ITPKB: variants seen among roughly 807,000 people sequenced by gnomAD.
The protein encoded by ITPKB is inositol-trisphosphate 3-kinase B, also known as IP3 3-kinase B.
In ITPKB, 13 loss-of-function variants were observed where a neutral mutation model predicts 69.4. The ratio of observed to expected loss-of-function variants is 0.19; its 90% CI spans 0.12 to 0.30. ITPKB has a LOEUF of 0.30. Ranked by LOEUF, ITPKB falls within the 10% of genes least tolerant of loss-of-function variation. ITPKB has a pLI of 1.00. For missense variants in ITPKB, 1,240 were observed against 1,250.5 expected (o/e 0.99, Z 0.13); for synonymous variants, 584 against 513.7 (o/e 1.14, Z -1.85).
chr1:226,678,684 CA>C (rs1655982569), intron 2 of ITPKB, among the ~76,000 whole-genome samples: 1 of 152,050 alleles, frequency 6.6e-6, no homozygotes, highest in Admixed American at 6.5e-5. Context: ...CAGTCCTGGC[CA>C]GAGAGAAAAA....
chr1:226,663,161 A>G (rs1235947020), intron 2 of ITPKB, among the ~76,000 whole-genome samples: 1 of 152,166 alleles, frequency 6.6e-6, no homozygotes, highest in East Asian at 1.9e-4. Context: ...TGATTTTCAT[A>G]AACAGATTGA....
intron 2 of ITPKB, among the ~76,000 whole-genome samples, chr1:226,703,662 C>T (rs1443884492): frequency 6.6e-6 from 1 of 152,224 alleles, no homozygotes; most frequent in East Asian, 1.9e-4. Flanking sequence ...CTAGCGGGCC[C>T]GCAGCAGAGG....
At chr1:226,737,991 G>A (rs372022416) in intron 1 of ITPKB, among the ~76,000 whole-genome samples, 3 of 152,220 alleles carry the variant, frequency 2.0e-5, no homozygotes, top group African/African-American at 7.2e-5. Context: ...TAAGTATGCT[G>A]TGTGCGGGGC....
chr1:226,714,491 G>A (rs1475558075), intron 2 of ITPKB, among the ~76,000 whole-genome samples: 1 of 152,192 alleles, frequency 6.6e-6, no homozygotes, highest in African/African-American at 2.4e-5. Flanking sequence ...CTGGCTTGCT[G>A]TTTGAACAGA....
Position 226,631,741 on chromosome 1 carries a change from T to G in ITPKB, c.*2930A>C, listed in dbSNP as rs1308523028. 1.3e-5 allele frequency: 2 copies of G among 152,674 alleles called. No homozygotes were observed. The highest frequency in any genetic ancestry group is 4.8e-5 in the African/African-American group (2 of 41,364). 9.5% of individuals were successfully genotyped at this position (152,674 alleles called of 1,614,324 possible). ...GTTTGCATCTGTTTGACAGGCACTG[T>G]GCAGGGGTTTGTAACAGTTCAGTTT... On this transcript the variant is annotated 3_prime_UTR_variant, in exon 8 of 8. Coordinates refer to ENST00000429204, the MANE Select transcript of ITPKB (RefSeq NM_002221.4).
chr1:226,648,104 G>A lies in ITPKB; in HGVS notation c.2032+568C>T, dbSNP rs140475688. Among the ~76,000 whole-genome samples the A allele has an allele frequency of 2.3e-3, 349 of 152,204 alleles. 1 individual carries two copies. Among genetic ancestry groups the A allele is most frequent in the African/African-American group, 7.3e-3 (303 of 41,516 alleles). ...TCGGCTCCAGATGTCCCTTCTCCCC[G>A]GCACTGCCTGGACTCAGCTCCTAGC... On this transcript the variant is annotated intron_variant, in intron 3 of 7. Transcript: ENST00000429204.
intron 2 of ITPKB, among the ~76,000 whole-genome samples, chr1:226,670,310 G>A (rs934301181): frequency 9.9e-5 from 15 of 151,524 alleles, no homozygotes; most frequent in African/African-American, 3.4e-4. Flanking sequence ...TGGGAAAGCA[G>A]CCCAGGAATA....
At chr1:226,703,588 C>A (rs1391875372) in intron 2 of ITPKB, among the ~76,000 whole-genome samples, 5 of 152,218 alleles carry the variant, frequency 3.3e-5, no homozygotes, top group African/African-American at 7.2e-5. Context: ...CGTCTCCCGG[C>A]ATGCTCGGCG....
chr1:226,731,191 G>C (rs895081933), intron 2 of ITPKB, among the ~76,000 whole-genome samples: 3 of 152,198 alleles, frequency 2.0e-5, no homozygotes, highest in African/African-American at 7.2e-5. Flanking sequence ...CAGTATCTGA[G>C]GGGGGACAAT....
intron 4 of ITPKB, among the ~76,000 whole-genome samples, chr1:226,646,754 C>T (rs1480977377): frequency 6.6e-6 from 1 of 152,178 alleles, no homozygotes; most frequent in Non-Finnish European, 1.5e-5. Flanking sequence ...AATGGAAAGA[C>T]CTCGATTCCC....
rs555131724 is a variant in ITPKB at position 226,727,782 on chromosome 1, C to T, written c.1932+7745G>A. 5.9e-5 allele frequency among the ~76,000 whole-genome samples: 9 copies of T among 152,270 alleles called. No homozygotes were observed. In the South Asian group the frequency reaches 1.9e-3, roughly 32 times the overall value. On this transcript the variant is annotated intron_variant, in intron 2 of 7. Coordinates refer to ENST00000429204, the MANE Select transcript of ITPKB (RefSeq NM_002221.4). ...AATGTGAGCAAATGGCCCACCCCTT[C>T]AGAAGAGTTCTCCTTGGCCAAGGGC...
chr1:226,695,259 A>T (rs1289223851), intron 2 of ITPKB, among the ~76,000 whole-genome samples: 1 of 152,150 alleles, frequency 6.6e-6, no homozygotes, highest in East Asian at 1.9e-4. Flanking sequence ...AAATAAATAA[A>T]TGAAAGCTGG....
rs770397722 is a variant in ITPKB at position 226,735,969 on chromosome 1, T to C, written c.1490A>G (p.Asp497Gly). The C allele has an allele frequency of 1.9e-5, 31 of 1,613,850 alleles. No individual in the cohort carries two copies. Among genetic ancestry groups the C allele is most frequent in the African/African-American group, 2.7e-5 (2 of 74,930 alleles). ...GTTCCCAGGCTGCACACCCACCCTG[T>C]CCCCAGGAGGGCACTGAGGTTCTTT... ...DLKEPQCPPGDRVGVQPGNSR... is the reference protein window; with the variant it reads ...DLKEPQCPPGGRVGVQPGNSR... The change falls in exon 2 of 8, where the codon GAC becomes GGC. Residue 497 changes from aspartate to glycine, a missense_variant. This residue lies in a region of ITPKB where 992 missense variants were observed against 853.8 expected (regional missense o/e 1.16). Coordinates refer to ENST00000429204, the MANE Select transcript of ITPKB (RefSeq NM_002221.4).
intron 2 of ITPKB, among the ~76,000 whole-genome samples, chr1:226,730,424 G>C (rs112851442): frequency 6.6e-6 from 1 of 152,064 alleles, no homozygotes; most frequent in Admixed American, 6.6e-5. Flanking sequence ...TCCCCTGATG[G>C]CTGAAAAATA....
Position 226,698,978 on chromosome 1 carries a change from A to C in ITPKB, c.1932+36549T>G, listed in dbSNP as rs115556208. On this transcript the variant is annotated intron_variant, in intron 2 of 7. Coordinates refer to ENST00000429204, the MANE Select transcript of ITPKB (RefSeq NM_002221.4). ...GAAACTCTACCAACTGCTATGAAGGACACAGGGAAGAGGTGGCAGGCAGGA... is the reference window on the plus strand; with the variant it reads ...GAAACTCTACCAACTGCTATGAAGGCCACAGGGAAGAGGTGGCAGGCAGGA... Among the ~76,000 whole-genome samples the C allele has an allele frequency of 4.0e-3, 613 of 152,380 alleles. 4 individuals are homozygous for C. The highest frequency in any genetic ancestry group is 0.014 in the African/African-American group (595 of 41,582).
At chr1:226,671,494 T>C (rs1248604977) in intron 2 of ITPKB, among the ~76,000 whole-genome samples, 1 of 152,260 alleles carries the variant, frequency 6.6e-6, no homozygotes, top group Non-Finnish European at 1.5e-5. Flanking sequence ...GCCACTGTTC[T>C]AGCCGCAGGT....
chr1:226,648,907 G>C, intron 2 of ITPKB, 136 bp from the exon 3 acceptor site: 1 of 680,098 alleles, frequency 1.5e-6, no homozygotes, highest in Non-Finnish European at 2.7e-6. Flanking sequence ...TGAGGACCTT[G>C]CCACCACCAT....
Position 226,662,428 on chromosome 1 carries a change from G to A in ITPKB, c.1933-13657C>T, listed in dbSNP as rs148100771. Among the ~76,000 whole-genome samples the A allele has an allele frequency of 2.2e-3, 338 of 152,338 alleles. 1 individual carries two copies. The highest frequency in any genetic ancestry group is 7.7e-3 in the African/African-American group (322 of 41,584). On this transcript the variant is annotated intron_variant, in intron 2 of 7. Coordinates refer to ENST00000429204, the MANE Select transcript of ITPKB (RefSeq NM_002221.4). ...TAGTAACCCCTGGTTCTTTTTCAGA[G>A]ATTCCTGAGATTGAAAAAACTTCAG...
chr1:226,643,494 C>T (rs1341847681), intron 4 of ITPKB, among the ~76,000 whole-genome samples: 1 of 152,210 alleles, frequency 6.6e-6, no homozygotes, highest in Non-Finnish European at 1.5e-5. Context: ...GCCTGCCCTC[C>T]ACCTGGCCCT....
Sources: allele counts gnomAD v4.1 joint callset (sites outside exome capture counted in the v4.1 genomes callset), GRCh38; gene constraint gnomAD v4.1.1; regional missense constraint gnomAD v4.1.1; transcripts MANE v1.5; gene names NCBI Gene and HGNC (gene_info 2026-07-23, HGNC 2026-07-21).